Variants in ANKRD17 observed in about 807,000 individuals in gnomAD.
ANKRD17 encodes ankyrin repeat domain 17, also known as ankyrin repeat domain-containing protein 17.
In ANKRD17, 19 loss-of-function variants were observed where a neutral mutation model predicts 229.7. That is an observed-to-expected ratio of 0.08 (90% CI 0.06 to 0.12). The LOEUF (loss-of-function observed/expected upper bound fraction) is 0.12. ANKRD17 is among the 10% of genes least tolerant of loss of function. ANKRD17 has a pLI of 1.00. For missense variants in ANKRD17, 2,176 were observed against 3,176.8 expected (o/e 0.68, Z 7.57); for synonymous variants, 1,112 against 1,146.1 (o/e 0.97, Z 0.60).
At chr4:73,216,258 A>T (rs1321718117) in intron 1 of ANKRD17, among the ~76,000 whole-genome samples, 2 of 152,160 alleles carry the variant, frequency 1.3e-5, no homozygotes, top group African/African-American at 4.8e-5. Context: ...TCATTTTTTT[A>T]AATGAATAAA....
At chr4:73,085,554 T>A in intron 29 of ANKRD17, 108 bp from the exon 30 acceptor site, 1 of 1,018,532 alleles carries the variant, frequency 9.8e-7, no homozygotes, top group Non-Finnish European at 1.4e-6. Context: ...TTTTAGATAA[T>A]TAAAAAAATC....
rs186302400 is a variant in ANKRD17, at chr4:73,214,756, C to T, written c.394-37223G>A. Reference sequence around the variant, plus strand: ...CAGTCGCTCACGCCTGTAATGCTAGCGCTTTAGGAGCCTGAGACTCCTAAA... The same window carrying T: ...CAGTCGCTCACGCCTGTAATGCTAGTGCTTTAGGAGCCTGAGACTCCTAAA... On this transcript the variant is annotated intron_variant, in intron 1 of 33. Coordinates refer to ENST00000358602, the MANE Select transcript of ANKRD17 (RefSeq NM_032217.5). Among the ~76,000 whole-genome samples, 38 of 149,676 alleles carry T rather than the reference C, an allele frequency of 2.5e-4. No individual in the cohort carries two copies. In the East Asian group the frequency reaches 6.7e-3, roughly 26 times the overall value.
intron 1 of ANKRD17, among the ~76,000 whole-genome samples, chr4:73,258,058 T>C (rs562188943): frequency 2.1e-5 from 3 of 143,260 alleles, no homozygotes; most frequent in African/African-American, 7.8e-5. Flanking sequence ...TCACCAACTC[T>C]GTGAACTCCG....
intron 11 of ANKRD17, 69 bp downstream of exon 11, chr4:73,144,676 C>T: frequency 2.7e-6 from 3 of 1,093,358 alleles, no homozygotes; most frequent in South Asian, 1.9e-5. Context: ...GACCTTTACC[C>T]TTAAATCTCT....
At chr4:73,256,554 T>C (rs374518580) in intron 1 of ANKRD17, among the ~76,000 whole-genome samples, 26 of 152,292 alleles carry the variant, frequency 1.7e-4, no homozygotes, top group African/African-American at 6.3e-4. Flanking sequence ...AAACTTTGAT[T>C]TGTACTTTTG....
intron 24 of ANKRD17, chr4:73,113,120 G>C (rs1047018791): frequency 8.2e-7 from 1 of 1,217,514 alleles, no homozygotes; most frequent in East Asian, 5.8e-5. Context: ...AGATATGGCA[G>C]TTCCATAATA....
chr4:73,258,552 A>T lies in ANKRD17; in HGVS notation c.117T>A (p.Val39=). The T allele has an allele frequency of 6.8e-7, 1 of 1,472,834 alleles. No homozygotes were observed. The highest frequency in any genetic ancestry group is 1.5e-5 in the African/African-American group (1 of 67,408). 91.2% of individuals were successfully genotyped at this position (1,472,834 alleles called of 1,614,324 possible). A position where few individuals can be genotyped will look rare whatever the true frequency, so the allele number is the denominator to read the frequency against. ...PPAAAEVGGG[V]GGSSRARSAS... ...CCGAGCGAGCTCTGCTGCTGCCGCC[A>T]ACGCCGCCGCCGACCTCCGCCGCCG... Residue 39 remains valine, a synonymous_variant, in exon 1 of 34, where the codon GTT becomes GTA. Coordinates refer to ENST00000358602, the MANE Select transcript of ANKRD17 (RefSeq NM_032217.5).
intron 8 of ANKRD17, 91 bp from the exon 9 acceptor site, chr4:73,147,523 T>A: frequency 9.4e-7 from 1 of 1,064,860 alleles, no homozygotes; most frequent in African/African-American, 1.6e-5. Flanking sequence ...ACTGAATCTT[T>A]AAAATGAACA....
chr4:73,196,360 G>A (rs1049977882), intron 1 of ANKRD17, among the ~76,000 whole-genome samples: 2 of 152,006 alleles, frequency 1.3e-5, no homozygotes, highest in Non-Finnish European at 2.9e-5. Flanking sequence ...CATTCTGCCT[G>A]CTTTGGTTCA....
At chr4:73,090,333 C>G (rs1410427212) in intron 29 of ANKRD17, among the ~76,000 whole-genome samples, 1 of 152,138 alleles carries the variant, frequency 6.6e-6, no homozygotes, top group Non-Finnish European at 1.5e-5. Flanking sequence ...TCACTTGAAT[C>G]TGGGAGGCAG....
chr4:73,218,304 T>C (rs1177896842), intron 1 of ANKRD17, among the ~76,000 whole-genome samples: 1 of 152,162 alleles, frequency 6.6e-6, no homozygotes, highest in Non-Finnish European at 1.5e-5. Flanking sequence ...AAAATACTAG[T>C]ATTAAAATAT....
intron 1 of ANKRD17, among the ~76,000 whole-genome samples, chr4:73,248,020 T>C (rs2149274970): frequency 6.6e-6 from 1 of 152,190 alleles, no homozygotes; most frequent in South Asian, 2.1e-4. Flanking sequence ...TAACGCTATA[T>C]TTAAAATCTT....
chr4:73,253,278 ATATT>A (rs558028311), intron 1 of ANKRD17, among the ~76,000 whole-genome samples: 80 of 152,308 alleles, frequency 5.3e-4, no homozygotes, highest in South Asian at 2.7e-3. Context: ...CAAACTTATA[ATATT>A]TATTCATTGG....
Position 73,153,492 on chromosome 4 carries a change from T to C in ANKRD17, c.1234+388A>G, listed in dbSNP as rs146201180. Among the ~76,000 whole-genome samples, 181 of 152,304 alleles carry C rather than the reference T, an allele frequency of 1.2e-3. 1 individual carries two copies. The highest frequency in any genetic ancestry group is 3.9e-3 in the African/African-American group (164 of 41,570). On this transcript the variant is annotated intron_variant, in intron 6 of 33. Coordinates refer to ENST00000358602, the MANE Select transcript of ANKRD17 (RefSeq NM_032217.5). Reference sequence around the variant, plus strand: ...ACAGACAAAATATCTTTCTAGGCAATTGTCCGGTCTGCCAAAGGAGGGCAT... The same window carrying C: ...ACAGACAAAATATCTTTCTAGGCAACTGTCCGGTCTGCCAAAGGAGGGCAT...
At chr4:73,166,271 T>G (rs1391172186) in intron 2 of ANKRD17, among the ~76,000 whole-genome samples, 1 of 152,084 alleles carries the variant, frequency 6.6e-6, no homozygotes, top group African/African-American at 2.4e-5. Context: ...GTATTGAAAA[T>G]GAGACTGAAA....
intron 1 of ANKRD17, among the ~76,000 whole-genome samples, chr4:73,235,289 T>C (rs1308458818): frequency 1.3e-5 from 2 of 152,180 alleles, no homozygotes; most frequent in Admixed American, 6.5e-5. Context: ...CAGTCATCTT[T>C]GGCTGAAAAT....
chr4:73,187,498 T>TA (rs1459040925), intron 1 of ANKRD17, among the ~76,000 whole-genome samples: 1 of 152,220 alleles, frequency 6.6e-6, no homozygotes, highest in Non-Finnish European at 1.5e-5. Flanking sequence ...TCCTCTCTGT[T>TA]AGAGTATATG....
At chr4:73,125,461 G>T in intron 16 of ANKRD17, 149 bp from the exon 17 acceptor site, 1 of 655,388 alleles carries the variant, frequency 1.5e-6, no homozygotes, top group Non-Finnish European at 2.5e-6. Flanking sequence ...ATGGACGGGC[G>T]TGGTGGCTCA....
In ANKRD17 at chr4:73,146,835, C is replaced by T. The variant is rs1730344325; in HGVS notation, c.1798G>A (p.Ala600Thr). The T allele has an allele frequency of 6.2e-7, 1 of 1,612,714 alleles. No individual in the cohort carries two copies. Among genetic ancestry groups the T allele is most frequent in the Non-Finnish European group, 8.5e-7 (1 of 1,179,208 alleles). ...VHATTATGDTALTYACENGHT... is the reference protein window; with the variant it reads ...VHATTATGDTTLTYACENGHT... ...CCATTTTCACAGGCATATGTTAGTG[C>T]TGTATCCCCTGTTGCTGTTGTTGCA... Residue 600 changes from alanine (A) to threonine (T), a missense_variant, in exon 10 of 34, where the codon GCA becomes ACA. By Grantham distance (58) the Ala-to-Thr change is moderately conservative (BLOSUM62 0). Around this residue, in one of 18 missense-constraint regions of ANKRD17, gnomAD observed 275 missense variants for 386.9 expected, o/e 0.71. Coordinates refer to ENST00000358602, the MANE Select transcript of ANKRD17 (RefSeq NM_032217.5).
Sources: gnomAD v4.1 joint callset for allele counts (sites outside exome capture counted in the v4.1 genomes callset) on GRCh38, gnomAD v4.1.1 for gene constraint, gnomAD v4.1.1 regional missense constraint, MANE v1.5 for transcripts, NCBI Gene and HGNC (gene_info 2026-07-23, HGNC 2026-07-21) for gene names.